Variants in CDYL2 observed in about 807,000 individuals in gnomAD.
CDYL2 encodes chromodomain Y like 2.
Under a neutral mutation model 49.4 loss-of-function variants are expected in CDYL2, and 23 were observed. The observed-to-expected ratio is 0.47, with a 90% CI of 0.34 to 0.66. The LOEUF (loss-of-function observed/expected upper bound fraction) is 0.66, where lower values mean the gene tolerates loss of function less well. Among genes scored for constraint, CDYL2 ranks in the 30% least tolerant of loss-of-function variants. CDYL2 has a pLI of 0.01. For missense variants in CDYL2, 678 were observed against 656.4 expected, an observed-to-expected ratio of 1.03 and a Z score of -0.36; for synonymous variants, 360 against 268.8, an observed-to-expected ratio of 1.34 and a Z score of -3.32.
chr16:80,725,635 A>T (rs1053372547), intron 1 of CDYL2, among the ~76,000 whole-genome samples: 1 of 152,246 alleles, frequency 6.6e-6, no homozygotes, highest in East Asian at 1.9e-4. Flanking sequence ...CCTAAGCTAC[A>T]TGCAGAAGTT....
chr16:80,748,526 A>C (rs1196388317), intron 1 of CDYL2, among the ~76,000 whole-genome samples: 2 of 143,478 alleles, frequency 1.4e-5, no homozygotes, highest in African/African-American at 2.6e-5. Flanking sequence ...AAAAAAAAAA[A>C]AAAAAAAAAA....
chr16:80,684,060 G>A (rs1216019028), intron 2 of CDYL2, among the ~76,000 whole-genome samples: 1 of 152,188 alleles, frequency 6.6e-6, no homozygotes, highest in East Asian at 1.9e-4. Context: ...AGTCCACACT[G>A]TGTCTGAGAA....
At chr16:80,778,634 G>A (rs377048773) in intron 1 of CDYL2, among the ~76,000 whole-genome samples, 1 of 151,892 alleles carries the variant, frequency 6.6e-6, no homozygotes, top group South Asian at 2.1e-4. Flanking sequence ...GTATCACAGA[G>A]GTATCAACTT....
intron 1 of CDYL2, among the ~76,000 whole-genome samples, chr16:80,764,923 A>G (rs28440814): frequency 0.33 from 49,536 of 150,692 alleles, 10,118 homozygotes; most frequent in African/African-American, 0.58. Flanking sequence ...AGCCGGGTGC[A>G]GTGGTTGGCG....
intron 3 of CDYL2, among the ~76,000 whole-genome samples, chr16:80,625,474 G>T (rs73592214): frequency 0.055 from 8,392 of 152,230 alleles, 701 homozygotes; most frequent in African/African-American, 0.18. Context: ...ACCCTTAATT[G>T]TATATCTGAA....
intron 2 of CDYL2, among the ~76,000 whole-genome samples, chr16:80,638,356 T>A (rs57872556): frequency 0.17 from 25,249 of 152,154 alleles, 2,631 homozygotes; most frequent in Admixed American, 0.29. Context: ...ATTATAGGCG[T>A]GTGCCACCAC....
intron 1 of CDYL2, among the ~76,000 whole-genome samples, chr16:80,692,818 G>A (rs529131290): frequency 6.7e-4 from 102 of 152,296 alleles, no homozygotes; most frequent in African/African-American, 2.3e-3. Flanking sequence ...TAACATGTTT[G>A]TGTATATTGA....
chr16:80,643,854 G>A (rs1908214390), intron 2 of CDYL2, among the ~76,000 whole-genome samples: 1 of 152,182 alleles, frequency 6.6e-6, no homozygotes, highest in Non-Finnish European at 1.5e-5. Context: ...GTGATGGGAG[G>A]GTCTGCTGTG....
chr16:80,675,496 C>T (rs143596548), intron 2 of CDYL2, among the ~76,000 whole-genome samples: 2 of 152,176 alleles, frequency 1.3e-5, no homozygotes, highest in African/African-American at 4.8e-5. Context: ...ACCATCACCA[C>T]CACCACCACC....
chr16:80,744,306 T>A (rs988262086), intron 1 of CDYL2, among the ~76,000 whole-genome samples: 1 of 152,080 alleles, frequency 6.6e-6, no homozygotes, highest in Non-Finnish European at 1.5e-5. Flanking sequence ...TATTTTCACC[T>A]CCCCATTCCC....
chr16:80,692,430 A>G (rs1178108810), intron 1 of CDYL2, among the ~76,000 whole-genome samples: 1 of 152,208 alleles, frequency 6.6e-6, no homozygotes, highest in Non-Finnish European at 1.5e-5. Flanking sequence ...AAGATAACTC[A>G]TCTCTTAGGG....
At chr16:80,715,428 C>T (rs1904765276) in intron 1 of CDYL2, among the ~76,000 whole-genome samples, 2 of 152,122 alleles carry the variant, frequency 1.3e-5, no homozygotes, top group Non-Finnish European at 2.9e-5. Context: ...GGCCCTCATC[C>T]TTACCTCCAC....
Position 80,644,618 on chromosome 16 carries a change from T to G in CDYL2, c.617-11382A>C, listed in dbSNP as rs563113885. ...CTCACATGGCAGTGGCAAGAGAAAA[T>G]GAGGAAGATGCAAAGGCGGAAACCC... On this transcript the variant is annotated intron_variant, in intron 2 of 6. Transcript: ENST00000570137. 2.6e-4 allele frequency among the ~76,000 whole-genome samples: 39 copies of G among 152,108 alleles called. No homozygotes were observed. In the South Asian group the frequency reaches 8.1e-3, roughly 32 times the overall value.
intron 2 of CDYL2, among the ~76,000 whole-genome samples, chr16:80,643,283 C>A (rs937903681): frequency 6.6e-6 from 1 of 152,200 alleles, no homozygotes; most frequent in South Asian, 2.1e-4. Flanking sequence ...AAGGTGAGTG[C>A]CCGTGGTCTT....
At chr16:80,683,914 A>C (rs1187853672) in intron 2 of CDYL2, among the ~76,000 whole-genome samples, 1 of 152,204 alleles carries the variant, frequency 6.6e-6, no homozygotes, top group Non-Finnish European at 1.5e-5. Context: ...CATTTTTCAT[A>C]AATTACCCAT....
intron 2 of CDYL2, among the ~76,000 whole-genome samples, chr16:80,658,731 T>C (rs1399570061): frequency 6.6e-6 from 1 of 152,136 alleles, no homozygotes; most frequent in African/African-American, 2.4e-5. Context: ...GAAACCCAAA[T>C]AGCAATGAGC....
chr16:80,720,947 A>G (rs1480116680), intron 1 of CDYL2, among the ~76,000 whole-genome samples: 1 of 152,220 alleles, frequency 6.6e-6, no homozygotes, highest in Non-Finnish European at 1.5e-5. Context: ...TAAAATAACC[A>G]GAAAGAACCC....
At chr16:80,755,500 A>G (rs914836015) in intron 1 of CDYL2, among the ~76,000 whole-genome samples, 1 of 152,232 alleles carries the variant, frequency 6.6e-6, no homozygotes, top group Non-Finnish European at 1.5e-5. Flanking sequence ...AATGGTTCAC[A>G]GGGCCAATAA....
At chr16:80,748,122 AAATAATAAT>A (rs71143647) in intron 1 of CDYL2, among the ~76,000 whole-genome samples, 4,735 of 135,960 alleles carry the variant, frequency 0.035, 138 homozygotes, top group African/African-American at 0.074. Flanking sequence ...TGGGAAGATT[AAATAATAAT>A]AATAATAATA....
Sources: allele counts gnomAD v4.1 joint callset (sites outside exome capture counted in the v4.1 genomes callset), GRCh38; gene constraint gnomAD v4.1.1; transcripts MANE v1.5; gene names NCBI Gene and HGNC (gene_info 2026-07-23, HGNC 2026-07-21).